The following DACH1 variants were observed in gnomAD, a reference collection of about 807,000 sequenced individuals.
DACH1 encodes dachshund homolog 1.
Under a neutral mutation model 54.2 loss-of-function variants are expected in DACH1, and 12 were observed. That is an observed-to-expected ratio of 0.22 (90% confidence interval 0.14 to 0.36). The LOEUF is 0.36. Ranked by LOEUF, DACH1 falls within the 10% of genes least tolerant of loss-of-function variation. DACH1 has a pLI of 1.00. For missense variants in DACH1, 805 were observed against 929.8 expected (o/e 0.87, Z 1.75); for synonymous variants, 386 against 366.2 (o/e 1.05, Z -0.62).
At chr13:71,474,558 T>C (rs888519406) in intron 10 of DACH1, among the ~76,000 whole-genome samples, 1 of 152,190 alleles carries the variant, frequency 6.6e-6, no homozygotes, top group Admixed American at 6.5e-5. Context: ...TATTTAGCTC[T>C]TCTGAGCATT....
chr13:71,577,665 C>A (rs895147343), intron 3 of DACH1, among the ~76,000 whole-genome samples: 1 of 151,756 alleles, frequency 6.6e-6, no homozygotes, highest in South Asian at 2.1e-4. Context: ...TAAACATACA[C>A]AAGAAAATGA....
chr13:71,658,344 G>C (rs903063768), intron 2 of DACH1, among the ~76,000 whole-genome samples: 1 of 152,272 alleles, frequency 6.6e-6, no homozygotes. Flanking sequence ...ATGTTCAGGA[G>C]TTTGAGACTA....
At chr13:71,663,775 G>A (rs9572765) in intron 2 of DACH1, among the ~76,000 whole-genome samples, 110,619 of 151,692 alleles carry the variant, frequency 0.73, 42,531 homozygotes, top group Non-Finnish European at 0.87. Flanking sequence ...CAGTTTTTCA[G>A]TTGTTTTAAA....
At chr13:71,771,252 G>A (rs1385189731) in intron 1 of DACH1, among the ~76,000 whole-genome samples, 2 of 150,746 alleles carry the variant, frequency 1.3e-5, no homozygotes, top group South Asian at 2.1e-4. Flanking sequence ...TATTAAGAAT[G>A]AGGAGTATTA....
intron 10 of DACH1, among the ~76,000 whole-genome samples, chr13:71,460,989 G>A (rs1340760337): frequency 6.6e-6 from 1 of 151,898 alleles, no homozygotes; most frequent in Non-Finnish European, 1.5e-5. Flanking sequence ...TTCTGTAATT[G>A]AGACTTTGAC....
intron 1 of DACH1, among the ~76,000 whole-genome samples, chr13:71,782,472 A>T (rs896234415): frequency 1.3e-5 from 2 of 151,942 alleles, no homozygotes; most frequent in Non-Finnish European, 2.9e-5. Context: ...ATAGAAATAA[A>T]AATAAAATAA....
chr13:71,596,491 T>C (rs558002081), intron 3 of DACH1, among the ~76,000 whole-genome samples: 51 of 152,208 alleles, frequency 3.4e-4, no homozygotes, highest in Non-Finnish European at 6.0e-4. Flanking sequence ...GTTTAATACA[T>C]TGTACTTGTA....
intron 3 of DACH1, among the ~76,000 whole-genome samples, chr13:71,629,863 A>G (rs1566391007): frequency 2.0e-5 from 3 of 152,200 alleles, no homozygotes; most frequent in Non-Finnish European, 4.4e-5. Flanking sequence ...CCAGATGCTA[A>G]GGATTTCATT....
At chr13:71,641,533 T>C (rs757337105) in intron 2 of DACH1, among the ~76,000 whole-genome samples, 13 of 152,132 alleles carry the variant, frequency 8.5e-5, no homozygotes, top group Non-Finnish European at 1.5e-4. Context: ...GAGAGGCCAG[T>C]TGTAGTGCTT....
chr13:71,479,106 C>T (rs1877816957), intron 8 of DACH1, 63 bp downstream of exon 8: 3 of 1,386,462 alleles, frequency 2.2e-6, no homozygotes, highest in South Asian at 3.0e-5. Flanking sequence ...AAATCACCAT[C>T]ATAGTATTAA....
chr13:71,755,481 C>T (rs559145582), intron 1 of DACH1, among the ~76,000 whole-genome samples: 2 of 152,264 alleles, frequency 1.3e-5, no homozygotes, highest in South Asian at 2.1e-4. Flanking sequence ...CAGTCAATGT[C>T]CCAAGGTCCC....
At chr13:71,511,138 T>C (rs1462398159) in intron 6 of DACH1, among the ~76,000 whole-genome samples, 2 of 152,042 alleles carry the variant, frequency 1.3e-5, no homozygotes, top group Non-Finnish European at 2.9e-5. Flanking sequence ...GGGAGGTCCA[T>C]TACACATCCC....
intron 10 of DACH1, among the ~76,000 whole-genome samples, chr13:71,443,058 T>G (rs2138097351): frequency 6.7e-6 from 1 of 148,264 alleles, no homozygotes; most frequent in Admixed American, 6.8e-5. Flanking sequence ...TATATATAAT[T>G]ATATATATTA....
intron 2 of DACH1, among the ~76,000 whole-genome samples, chr13:71,646,262 G>T (rs1200014797): frequency 6.6e-6 from 1 of 151,708 alleles, no homozygotes; most frequent in Non-Finnish European, 1.5e-5. Context: ...ACTTGAACCC[G>T]GGAGGCAGAG....
rs535302430 is a variant in DACH1, at chr13:71,715,328, G to A, written c.849-33418C>T. On this transcript the variant is annotated intron_variant, in intron 1 of 10. Coordinates refer to ENST00000613252, the MANE Select transcript of DACH1 (RefSeq NM_080759.6). ...CCCTTCCCTAACACCCTCAAGAAGT[G>A]CTATAGCCAATAAAACTTAAAAACC... is the stretch of plus-strand genomic sequence containing the variant. 1.1e-4 allele frequency among the ~76,000 whole-genome samples: 16 copies of A among 152,134 alleles called. No homozygotes were observed. The South Asian group carries it at 3.3e-3, about 32-fold the overall frequency.
chr13:71,837,517 G>T (rs984954645), intron 1 of DACH1, among the ~76,000 whole-genome samples: 3 of 152,124 alleles, frequency 2.0e-5, no homozygotes, highest in Non-Finnish European at 4.4e-5. Flanking sequence ...TAGGTAGAAG[G>T]TATAGATAGT....
chr13:71,551,488 A>G (rs1883811727), intron 6 of DACH1, among the ~76,000 whole-genome samples: 1 of 152,088 alleles, frequency 6.6e-6, no homozygotes, highest in Non-Finnish European at 1.5e-5. Flanking sequence ...GAAACCAGCA[A>G]TCTAACTACC....
At chr13:71,525,523 T>C (rs1052465403) in intron 6 of DACH1, among the ~76,000 whole-genome samples, 58 of 152,104 alleles carry the variant, frequency 3.8e-4, no homozygotes, top group Non-Finnish European at 1.6e-4. Context: ...ATAAAGAGTA[T>C]GTGTATGCCT....
At chr13:71,598,498 C>G (rs956098469) in intron 3 of DACH1, among the ~76,000 whole-genome samples, 5 of 152,118 alleles carry the variant, frequency 3.3e-5, no homozygotes, top group African/African-American at 1.2e-4. Context: ...CATGATCCAC[C>G]CACCTCAGCC....
Sources: gnomAD v4.1 joint callset for allele counts (sites outside exome capture counted in the v4.1 genomes callset) on GRCh38, gnomAD v4.1.1 for gene constraint, MANE v1.5 for transcripts, NCBI Gene and HGNC (gene_info 2026-07-23, HGNC 2026-07-21) for gene names.